The following TBC1D14 variants were observed in gnomAD, a reference collection of about 807,000 sequenced individuals.
The protein encoded by TBC1D14 is TBC1 domain family, member 14.
In TBC1D14, 26 loss-of-function variants were observed where a neutral mutation model predicts 79.0. That is an observed-to-expected ratio of 0.33 (90% CI 0.24 to 0.46). TBC1D14 has a LOEUF of 0.46. TBC1D14 is among the 20% of genes least tolerant of loss of function. The probability of loss-of-function intolerance (pLI) is 1.00; values close to 1 mark genes in which losing one functional copy is unlikely to be tolerated. For synonymous variants in TBC1D14, 394 were observed against 349.9 expected (o/e 1.13, Z -1.40); for missense variants, 769 against 887.6 (o/e 0.87, Z 1.70).
At chr4:7,000,619 G>A (rs1719570557) in intron 6 of TBC1D14, among the ~76,000 whole-genome samples, 3 of 152,336 alleles carry the variant, frequency 2.0e-5, no homozygotes, top group African/African-American at 2.4e-5. Context: ...AGCCTACAAT[G>A]TTCTGAGTCA....
intron 2 of TBC1D14, 137 bp from the exon 3 acceptor site, chr4:6,967,167 A>T: frequency 8.4e-7 from 1 of 1,184,594 alleles, no homozygotes; most frequent in Non-Finnish European, 1.2e-6. Context: ...CTGTGTCTGT[A>T]TGAAAATCAA....
chr4:6,914,320 A>G (rs1395117170), intron 1 of TBC1D14, among the ~76,000 whole-genome samples: 1 of 152,220 alleles, frequency 6.6e-6, no homozygotes, highest in African/African-American at 2.4e-5. Context: ...GTTAAGTTCC[A>G]GGTGTCTGAA....
At chr4:6,984,688 C>T (rs1053950231) in intron 3 of TBC1D14, among the ~76,000 whole-genome samples, 3 of 152,188 alleles carry the variant, frequency 2.0e-5, no homozygotes, top group Non-Finnish European at 2.9e-5. Flanking sequence ...TTCTCTGAGA[C>T]AAATTATGTA....
At chr4:6,915,209 C>G (rs1723302390) in intron 1 of TBC1D14, among the ~76,000 whole-genome samples, 2 of 152,312 alleles carry the variant, frequency 1.3e-5, no homozygotes, top group African/African-American at 4.8e-5. Context: ...GCAGGACGCT[C>G]ATAAGAGCAG....
At chr4:7,000,730 T>C (rs1719584357) in intron 6 of TBC1D14, among the ~76,000 whole-genome samples, 1 of 152,226 alleles carries the variant, frequency 6.6e-6, no homozygotes, top group Non-Finnish European at 1.5e-5. Context: ...TGGGGTCTGC[T>C]TCTGTCTCCA....
chr4:6,920,206 C>G (rs1723739323), intron 1 of TBC1D14, among the ~76,000 whole-genome samples: 1 of 152,088 alleles, frequency 6.6e-6, no homozygotes, highest in Admixed American at 6.6e-5. Flanking sequence ...CTATTTTTGA[C>G]TCAGCGCTGC....
Position 6,996,427 on chromosome 4 carries a change from A to G in TBC1D14, c.1045+20A>G, listed in dbSNP as rs757517046. The G allele has an allele frequency of 3.2e-6, 5 of 1,583,006 alleles. No homozygotes were observed. Among genetic ancestry groups the G allele is most frequent in the African/African-American group, 1.3e-5 (1 of 74,366 alleles). On this transcript the variant is annotated intron_variant, in intron 5 of 13. Transcript: ENST00000409757. ...AGCGAGGTAATGGGGTTCACACTTGATGGGTTAAATCAGGCAGCACAGGGT... is the reference window on the plus strand; with the variant it reads ...AGCGAGGTAATGGGGTTCACACTTGGTGGGTTAAATCAGGCAGCACAGGGT...
At chr4:6,958,653 T>A (rs1481636941) in intron 2 of TBC1D14, among the ~76,000 whole-genome samples, 1 of 152,212 alleles carries the variant, frequency 6.6e-6, no homozygotes, top group Admixed American at 6.5e-5. Context: ...CAGGCTATTC[T>A]CAAACTCCTG....
chr4:6,926,143 C>T (rs533289145), intron 2 of TBC1D14, among the ~76,000 whole-genome samples: 7 of 152,344 alleles, frequency 4.6e-5, no homozygotes, highest in African/African-American at 1.2e-4. Flanking sequence ...GAACGCCACA[C>T]GCTCACCTTT....
chr4:6,935,866 A>G (rs1325576122), intron 2 of TBC1D14, among the ~76,000 whole-genome samples: 6 of 151,946 alleles, frequency 3.9e-5, no homozygotes. Flanking sequence ...CTGGTCTTGA[A>G]TTCCTGACCT....
chr4:6,956,437 C>T (rs1714645149), intron 2 of TBC1D14, among the ~76,000 whole-genome samples: 1 of 152,204 alleles, frequency 6.6e-6, no homozygotes, highest in Non-Finnish European at 1.5e-5. Flanking sequence ...ACGGCGTAGA[C>T]AGAAAACACA....
intron 1 of TBC1D14, among the ~76,000 whole-genome samples, chr4:6,914,001 G>A (rs536312603): frequency 1.3e-5 from 2 of 152,130 alleles, no homozygotes; most frequent in Admixed American, 6.6e-5. Context: ...CTGGGTGGAC[G>A]TGGTGGCGGG....
chr4:6,969,896 C>T (rs545964354), intron 3 of TBC1D14, among the ~76,000 whole-genome samples: 5 of 152,124 alleles, frequency 3.3e-5, no homozygotes, highest in African/African-American at 4.8e-5. Context: ...CAATCCTGCC[C>T]GGGACCTGCT....
intron 1 of TBC1D14, among the ~76,000 whole-genome samples, chr4:6,914,370 G>A (rs964446679): frequency 3.9e-5 from 6 of 152,164 alleles, no homozygotes; most frequent in Admixed American, 6.5e-5. Context: ...TGAGCTTCTA[G>A]GAAATTTTTT....
At chr4:6,984,845 C>G (rs1268658148) in intron 3 of TBC1D14, among the ~76,000 whole-genome samples, 2 of 152,216 alleles carry the variant, frequency 1.3e-5, no homozygotes, top group Admixed American at 1.3e-4. Context: ...AGGGGACTGT[C>G]TGTGTTCTAA....
At chr4:6,953,812 G>T (rs1047504998) in intron 2 of TBC1D14, among the ~76,000 whole-genome samples, 14 of 152,168 alleles carry the variant, frequency 9.2e-5, no homozygotes, top group Non-Finnish European at 1.8e-4. Flanking sequence ...CTCAACGGCA[G>T]ACCTGGCCGC....
At chr4:6,956,570 C>G (rs1173900478) in intron 2 of TBC1D14, among the ~76,000 whole-genome samples, 2 of 152,176 alleles carry the variant, frequency 1.3e-5, no homozygotes, top group African/African-American at 4.8e-5. Flanking sequence ...TCGCCTGGCC[C>G]TAGGAGGAAG....
Position 7,025,346 on chromosome 4 carries a change from C to G in TBC1D14, c.2016+84C>G, listed in dbSNP as rs778895303. 1.1e-4 allele frequency: 178 copies of G among 1,567,612 alleles called. No individual in the cohort carries two copies. The East Asian group carries it at 4.0e-3, about 35-fold the overall frequency. On this transcript the variant is annotated intron_variant, in intron 13 of 13. Coordinates refer to ENST00000409757, the MANE Select transcript of TBC1D14 (RefSeq NM_020773.3). ...GGAAGGCCCCTACGTAAAGTGCTGT[C>G]TGAGGACGTAGCCCCTTTGATGGAG...
intron 3 of TBC1D14, chr4:6,987,491 G>A: frequency 1.3e-6 from 1 of 767,098 alleles, no homozygotes; most frequent in Non-Finnish European, 1.8e-6. Context: ...TTGTGCGGGT[G>A]TGCGAGCATC....
Sources: allele counts gnomAD v4.1 joint callset (sites outside exome capture counted in the v4.1 genomes callset), GRCh38; gene constraint gnomAD v4.1.1; transcripts MANE v1.5; gene names NCBI Gene and HGNC (gene_info 2026-07-23, HGNC 2026-07-21).